ITGBL1: variants seen among roughly 807,000 people sequenced by gnomAD.
The protein encoded by ITGBL1 is integrin beta-like protein 1.
ITGBL1 carries 51 observed loss-of-function variants against 68.5 expected under a neutral mutation model. The ratio of observed to expected loss-of-function variants is 0.74; its 90% confidence interval spans 0.59 to 0.94. ITGBL1 has a LOEUF of 0.94. Ranked by LOEUF, ITGBL1 falls within the 40% of genes least tolerant of loss-of-function variation. The pLI is 0.00. For missense variants in ITGBL1, 649 were observed against 647.4 expected, an observed-to-expected ratio of 1.00 and a Z score of -0.03; for synonymous variants, 209 against 227.3, an observed-to-expected ratio of 0.92 and a Z score of 0.72.
At chr13:101,605,619 T>C (rs1017720947) in intron 7 of ITGBL1, among the ~76,000 whole-genome samples, 30 of 148,000 alleles carry the variant, frequency 2.0e-4, no homozygotes, top group Non-Finnish European at 3.8e-4. Flanking sequence ...CGTATATATA[T>C]ACACGTATGT....
intron 8 of ITGBL1, among the ~76,000 whole-genome samples, chr13:101,698,970 A>G (rs1248973240): frequency 6.6e-6 from 1 of 152,198 alleles, no homozygotes; most frequent in Non-Finnish European, 1.5e-5. Context: ...TAATTACACA[A>G]TCAGTTCACA....
intron 6 of ITGBL1, among the ~76,000 whole-genome samples, chr13:101,590,933 T>C (rs923927598): frequency 2.6e-5 from 4 of 152,158 alleles, no homozygotes; most frequent in Admixed American, 2.0e-4. Context: ...AGTTGGAATT[T>C]CCCTGTGTCA....
At chr13:101,692,321 T>C (rs776953484) in intron 7 of ITGBL1, among the ~76,000 whole-genome samples, 1 of 152,168 alleles carries the variant, frequency 6.6e-6, no homozygotes, top group Non-Finnish European at 1.5e-5. Context: ...TATTCAAAAA[T>C]GAATGAAACA....
intron 9 of ITGBL1, among the ~76,000 whole-genome samples, chr13:101,709,632 A>G (rs1226809118): frequency 6.6e-6 from 1 of 152,180 alleles, no homozygotes; most frequent in African/African-American, 2.4e-5. Context: ...TAAGAATAGA[A>G]GCTTTTCACA....
chr13:101,468,385 G>C (rs918888927), intron 2 of ITGBL1, among the ~76,000 whole-genome samples: 1 of 152,084 alleles, frequency 6.6e-6, no homozygotes, highest in Non-Finnish European at 1.5e-5. Context: ...ACCTATATTT[G>C]AGTATAGTAT....
chr13:101,600,172 G>C (rs1202652484), intron 7 of ITGBL1, among the ~76,000 whole-genome samples: 6 of 152,108 alleles, frequency 3.9e-5, no homozygotes, highest in Non-Finnish European at 8.8e-5. Flanking sequence ...AAGTTGGATT[G>C]CTAGGTATTT....
intron 2 of ITGBL1, among the ~76,000 whole-genome samples, chr13:101,525,580 T>G (rs2049362753): frequency 6.6e-6 from 1 of 152,020 alleles, no homozygotes; most frequent in South Asian, 2.1e-4. Flanking sequence ...CTTCCACTAT[T>G]CCAGATGAAT....
chr13:101,715,388 A>T, intron 10 of ITGBL1, 175 bp from the exon 11 acceptor site: 3 of 600,254 alleles, frequency 5.0e-6, no homozygotes, highest in Non-Finnish European at 9.0e-6. Context: ...TGTTTGAAAG[A>T]TTAGATGTCT....
At chr13:101,461,149 G>A (rs1347629493) in intron 2 of ITGBL1, among the ~76,000 whole-genome samples, 2 of 152,106 alleles carry the variant, frequency 1.3e-5, no homozygotes, top group Non-Finnish European at 2.9e-5. Flanking sequence ...CCCAGAATGA[G>A]AAAGGAAAGG....
chr13:101,589,944 C>T (rs192959807), intron 6 of ITGBL1, among the ~76,000 whole-genome samples: 1 of 151,736 alleles, frequency 6.6e-6, no homozygotes, highest in African/African-American at 2.4e-5. Context: ...TCAGAAATAG[C>T]AATGGGATAT....
intron 2 of ITGBL1, among the ~76,000 whole-genome samples, chr13:101,554,004 C>A (rs1451721675): frequency 6.6e-6 from 1 of 152,192 alleles, no homozygotes; most frequent in East Asian, 1.9e-4. Context: ...GAACTCCCAA[C>A]CTCAGGTGAT....
chr13:101,676,558 A>G (rs912655335), intron 7 of ITGBL1, among the ~76,000 whole-genome samples: 2 of 152,148 alleles, frequency 1.3e-5, no homozygotes, highest in African/African-American at 4.8e-5. Context: ...CTTGCCCCAA[A>G]TAGTTTCGGA....
At chr13:101,500,275 C>T (rs905033545) in intron 2 of ITGBL1, among the ~76,000 whole-genome samples, 1 of 152,164 alleles carries the variant, frequency 6.6e-6, no homozygotes, top group South Asian at 2.1e-4. Context: ...GAGTGGAGTC[C>T]ATTGGATTCC....
chr13:101,640,084 C>T (rs904226062), intron 7 of ITGBL1, among the ~76,000 whole-genome samples: 1 of 152,098 alleles, frequency 6.6e-6, no homozygotes, highest in African/African-American at 2.4e-5. Context: ...ATTATACTTA[C>T]AAGAAAGAAC....
intron 3 of ITGBL1, 47 bp downstream of exon 3, chr13:101,567,892 T>C (rs1254202309): frequency 6.6e-7 from 1 of 1,520,438 alleles, no homozygotes; most frequent in Non-Finnish European, 9.0e-7. Context: ...TAATCAAATT[T>C]TGTTTTTAAT....
intron 2 of ITGBL1, among the ~76,000 whole-genome samples, chr13:101,483,343 A>G (rs1298298359): frequency 2.0e-5 from 3 of 152,226 alleles, no homozygotes; most frequent in Non-Finnish European, 4.4e-5. Context: ...CAATTAATTT[A>G]GTATGGGGGC....
chr13:101,491,769 C>T lies in ITGBL1; in HGVS notation c.316+37669C>T, dbSNP rs1279798302. Among the ~76,000 whole-genome samples, 3 of 152,128 alleles carry T rather than the reference C, an allele frequency of 2.0e-5. No homozygotes were observed. In the East Asian group the frequency reaches 5.8e-4, roughly 29 times the overall value. On this transcript the variant is annotated intron_variant, in intron 2 of 10. Transcript: ENST00000376180. The stretch of plus-strand genomic sequence containing the variant: ...TAGGTATTTCTCCTAATGCTATCCT[C>T]CCCTTAGCCCTCCACCCCCTGACAG...
At chr13:101,711,727 C>T (rs1378256875) in intron 9 of ITGBL1, 1 of 152,150 alleles carries the variant, frequency 6.6e-6, no homozygotes, top group Non-Finnish European at 1.5e-5. Context: ...CTAAGATGCC[C>T]TGAAGACACA....
At chr13:101,456,227 C>A (rs1443843091) in intron 2 of ITGBL1, among the ~76,000 whole-genome samples, 1 of 152,098 alleles carries the variant, frequency 6.6e-6, no homozygotes, top group Non-Finnish European at 1.5e-5. Flanking sequence ...TAATGAAGTT[C>A]ATTTTTTATT....
Sources: gnomAD v4.1 joint callset for allele counts (sites outside exome capture counted in the v4.1 genomes callset) on GRCh38, gnomAD v4.1.1 for gene constraint, MANE v1.5 for transcripts, NCBI Gene and HGNC (gene_info 2026-07-23, HGNC 2026-07-21) for gene names.